Variants in TRIM50 observed in about 807,000 individuals in gnomAD.
The protein encoded by TRIM50 is E3 ubiquitin-protein ligase TRIM50.
In TRIM50, 34 loss-of-function variants were observed where a neutral mutation model predicts 44.9. That is an observed-to-expected ratio of 0.76 (90% confidence interval 0.58 to 1.01). The LOEUF is 1.01. TRIM50 is among the 50% of genes least tolerant of loss of function. TRIM50 has a pLI of 0.00. For missense variants in TRIM50, 633 were observed against 663.7 expected (o/e 0.95, Z 0.51); for synonymous variants, 307 against 291.1 (o/e 1.05, Z -0.56).
chr7:73,314,313 T>A, intron 6 of TRIM50: 1 of 353,634 alleles, frequency 2.8e-6, no homozygotes, highest in Non-Finnish European at 5.5e-6. Context: ...ACAGCCATCC[T>A]CTATAAGTAG....
chr7:73,313,342 C>A lies in TRIM50; in HGVS notation c.1043G>T (p.Arg348Leu). ...VLASRGFSCG[R>L]HYWEVVVGSK... Reference sequence around the variant, plus strand: ...GCCCACCACCACCTCCCAGTAGTGGCGGCCGCAGGAGAAGCCGCGGCTGGC... The same window carrying A: ...GCCCACCACCACCTCCCAGTAGTGGAGGCCGCAGGAGAAGCCGCGGCTGGC... Residue 348 changes from arginine to leucine, a missense_variant, in exon 7 of 7, where the codon CGC becomes CTC. Transcript: ENST00000333149. The surrounding 1 kb of genome is among the most constrained non-coding windows in gnomAD (Gnocchi z 4.9). The A allele has an allele frequency of 6.2e-7, 1 of 1,604,096 alleles. No individual in the cohort carries two copies. Among genetic ancestry groups the A allele is most frequent in the African/African-American group, 1.3e-5 (1 of 74,922 alleles).
chr7:73,316,357 T>A (rs1421512745), intron 6 of TRIM50, among the ~76,000 whole-genome samples: 1 of 152,040 alleles, frequency 6.6e-6, no homozygotes, highest in Non-Finnish European at 1.5e-5. Flanking sequence ...GGCTCAGAAA[T>A]GACACAACTT....
chr7:73,326,883 G>A (rs1398593575), intron 1 of TRIM50, among the ~76,000 whole-genome samples: 5 of 152,124 alleles, frequency 3.3e-5, no homozygotes, highest in East Asian at 1.9e-4. Flanking sequence ...TCCGCCTCCC[G>A]GGTTCAAGTG....
At position 73,312,648 on chromosome 7, in the gene TRIM50, C is replaced by A. The variant is rs1804247009; in HGVS notation, c.*273G>T. On this transcript the variant is annotated 3_prime_UTR_variant, in exon 7 of 7. Coordinates refer to ENST00000333149, the MANE Select transcript of TRIM50 (RefSeq NM_178125.3). ...ATTTCTGCCCTCGGAAGCGTCTGCG[C>A]AGATAGCATGGTTAGCAAGTGGCAG... The A allele has an allele frequency of 2.3e-5, 11 of 486,496 alleles. No homozygotes were observed. The South Asian group carries it at 4.0e-4, about 18-fold the overall frequency. 30.1% of individuals were successfully genotyped at this position (486,496 alleles called of 1,614,324 possible). A position where few individuals can be genotyped will look rare whatever the true frequency, so the allele number is the denominator to read the frequency against.
At chr7:73,316,507 G>A in intron 6 of TRIM50, 58 bp downstream of exon 6, 2 of 1,602,876 alleles carry the variant, frequency 1.2e-6, no homozygotes, top group South Asian at 1.1e-5. Context: ...TACAATCGAT[G>A]AACTGCCACC....
At chr7:73,316,540 G>T in intron 6 of TRIM50, 25 bp downstream of exon 6, 1 of 1,613,450 alleles carries the variant, frequency 6.2e-7, no homozygotes, top group Non-Finnish European at 8.5e-7. Flanking sequence ...CAGCCCTCAG[G>T]AAGGAGGACG....
chr7:73,316,837 A>G (rs1361561514), intron 5 of TRIM50, 148 bp from the exon 6 acceptor site: 2 of 1,208,650 alleles, frequency 1.7e-6, no homozygotes, highest in East Asian at 5.2e-5. Context: ...TCCCCTGCAC[A>G]GCCCCTTCAG....
intron 6 of TRIM50, chr7:73,314,706 C>T (rs782275076): frequency 2.8e-5 from 6 of 216,752 alleles, no homozygotes; most frequent in East Asian, 1.6e-4. Context: ...AAAAATTAGC[C>T]GGGCGTGGTG....
rs1252118726 is a variant in TRIM50, at chr7:73,312,831, A to G, written c.*90T>C. ...CTGAAGACCTTCCTAAACAGTGACG[A>G]TATCACCTCAGGCGGGACCCAGCAG... On this transcript the variant is annotated 3_prime_UTR_variant, in exon 7 of 7. Transcript: ENST00000333149. The G allele has an allele frequency of 2.1e-5, 22 of 1,034,132 alleles. No homozygotes were observed. The highest frequency in any genetic ancestry group is 2.9e-5 in the Non-Finnish European group (21 of 732,338). 64.1% of individuals were successfully genotyped at this position (1,034,132 alleles called of 1,614,324 possible).
At chr7:73,326,379 A>G (rs1174015347) in intron 1 of TRIM50, among the ~76,000 whole-genome samples, 2 of 149,124 alleles carry the variant, frequency 1.3e-5, no homozygotes. Context: ...CTGGGATTAT[A>G]GGTGTGAGCC....
At chr7:73,318,625 G>A (rs1468536508) in intron 5 of TRIM50, 62 bp downstream of exon 5, 84 of 1,611,936 alleles carry the variant, frequency 5.2e-5, no homozygotes, top group Non-Finnish European at 6.4e-5. Flanking sequence ...GGAACCAGTG[G>A]AGCTGAGATG....
rs1327103666 is a variant in TRIM50, at chr7:73,327,929, C to A, written c.-48G>T. 1 of 496,094 alleles carries A rather than the reference C, an allele frequency of 2.0e-6. No homozygotes were observed. The allele number at this position is 496,094 out of a possible 1,614,324, so 30.7% of individuals were successfully genotyped here. On this transcript the variant is annotated 5_prime_UTR_variant, in exon 1 of 7. Coordinates refer to ENST00000333149, the MANE Select transcript of TRIM50 (RefSeq NM_178125.3). ...CCTCCGGCCCCTGTAAGTGCCCCAT[C>A]GTGCTCTCTGTCGCTCCAGTTAGAT...
chr7:73,320,784 T>G (rs879993194), intron 2 of TRIM50, among the ~76,000 whole-genome samples: 4 of 152,066 alleles, frequency 2.6e-5, no homozygotes, highest in Non-Finnish European at 2.9e-5. Flanking sequence ...TCCCAGCATT[T>G]TGGGAGGCCG....
intron 6 of TRIM50, among the ~76,000 whole-genome samples, chr7:73,315,937 A>C (rs1264754235): frequency 6.6e-6 from 1 of 150,980 alleles, no homozygotes; most frequent in Admixed American, 6.6e-5. Flanking sequence ...CTGGAGTGCA[A>C]TGGCACGATA....
intron 3 of TRIM50, among the ~76,000 whole-genome samples, 178 bp from the exon 4 acceptor site, chr7:73,319,230 C>A (rs1554544706): frequency 6.6e-6 from 1 of 152,210 alleles, no homozygotes; most frequent in East Asian, 1.9e-4. Flanking sequence ...GGAGCCCTGG[C>A]GGTGGCCGTG....
chr7:73,324,504 G>T lies in TRIM50; in HGVS notation c.284C>A (p.Pro95Gln). The T allele has an allele frequency of 6.2e-7, 1 of 1,613,908 alleles. No individual in the cohort carries two copies. Among genetic ancestry groups the T allele is most frequent in the East Asian group, 2.2e-5 (1 of 44,884 alleles). ...EPKVCVHHRN[P>Q]LSLFCEKDQE... Reference sequence around the variant, plus strand: ...GTCCTTCTCGCAGAAAAGGCTGAGCGGGTTCCGGTGGTGCACGCAGACCTT... The same window carrying T: ...GTCCTTCTCGCAGAAAAGGCTGAGCTGGTTCCGGTGGTGCACGCAGACCTT... Residue 95 changes from proline to glutamine, a missense_variant, in exon 2 of 7, where the codon CCG becomes CAG. Pro to Gln is a moderately conservative substitution (Grantham distance 76). Transcript: ENST00000333149.
intron 5 of TRIM50, among the ~76,000 whole-genome samples, chr7:73,317,822 C>G (rs1254961873): frequency 6.6e-6 from 1 of 152,232 alleles, no homozygotes. Flanking sequence ...TTCCCACAAT[C>G]TGCAGAGCAA....
Position 73,318,595 on chromosome 7 carries a change from C to T in TRIM50, c.749+92G>A. On this transcript the variant is annotated intron_variant, in intron 5 of 6. Transcript: ENST00000333149. The stretch of plus-strand genomic sequence containing the variant: ...CAGCTGTGGGCAGCTGCTTGGGAGG[C>T]GCTGGTTAAACCGAATGGAGGAACC... 29 of 1,610,466 alleles carry T rather than the reference C, an allele frequency of 1.8e-5. 1 individual carries two copies. The highest frequency in any genetic ancestry group is 1.8e-4 in the South Asian group (16 of 90,912).
At chr7:73,318,026 C>T (rs755476787) in intron 5 of TRIM50, among the ~76,000 whole-genome samples, 2 of 152,194 alleles carry the variant, frequency 1.3e-5, no homozygotes, top group Non-Finnish European at 2.9e-5. Context: ...TTTACAGGAC[C>T]GTTTCCTCGG....
Sources: allele counts gnomAD v4.1 joint callset (sites outside exome capture counted in the v4.1 genomes callset), GRCh38; gene constraint gnomAD v4.1.1; non-coding constraint Gnocchi (gnomAD v3.1); transcripts MANE v1.5; gene names NCBI Gene and HGNC (gene_info 2026-07-23, HGNC 2026-07-21).